CCDC81: variants seen among roughly 807,000 people sequenced by gnomAD.
CCDC81 encodes coiled-coil domain containing 81.
A neutral mutation model predicts 83.7 loss-of-function variants in CCDC81; 79 were observed. The ratio of observed to expected loss-of-function variants is 0.94; its 90% confidence interval spans 0.79 to 1.14. The LOEUF is 1.14. CCDC81 is among the 50% of genes most tolerant of loss of function. CCDC81 has a pLI of 0.00. For synonymous variants in CCDC81, 252 were observed against 278.1 expected (o/e 0.91, Z 0.93); for missense variants, 791 against 778.1 (o/e 1.02, Z -0.20).
At chr11:86,402,134 CAAAAAAAAA>C (rs540502448) in intron 7 of CCDC81, among the ~76,000 whole-genome samples, 2 of 89,192 alleles carry the variant, frequency 2.2e-5, no homozygotes, top group Non-Finnish European at 4.2e-5. Flanking sequence ...GACTCTGTCT[CAAAAAAAAA>C]AAAAAAAAAA....
At chr11:86,412,837 A>AGGCT (rs1227994027) in intron 11 of CCDC81, among the ~76,000 whole-genome samples, 20 of 152,290 alleles carry the variant, frequency 1.3e-4, no homozygotes, top group African/African-American at 4.8e-4. Flanking sequence ...GCCACACGGC[A>AGGCT]GTATCTAGGG....
At chr11:86,407,498 GT>G in intron 7 of CCDC81, 115 bp from the exon 8 acceptor site, 5 of 692,616 alleles carry the variant, frequency 7.2e-6, no homozygotes, top group Non-Finnish European at 1.3e-5. Flanking sequence ...ACATATAGCT[GT>G]TTTGAAGTAA....
chr11:86,421,253 G>T (rs1296479965), intron 14 of CCDC81, among the ~76,000 whole-genome samples: 1 of 152,148 alleles, frequency 6.6e-6, no homozygotes, highest in Non-Finnish European at 1.5e-5. Flanking sequence ...AGCCAGGTAG[G>T]TCTTCCCCTG....
chr11:86,393,929 C>T (rs951743995), intron 4 of CCDC81, among the ~76,000 whole-genome samples: 2 of 152,120 alleles, frequency 1.3e-5, no homozygotes, highest in Non-Finnish European at 2.9e-5. Flanking sequence ...CTATTAATAT[C>T]ATCTCAGTCT....
chr11:86,410,436 G>C (rs937593832), intron 10 of CCDC81, among the ~76,000 whole-genome samples: 2 of 152,028 alleles, frequency 1.3e-5, no homozygotes, highest in Non-Finnish European at 2.9e-5. Flanking sequence ...TCTGAAAAAA[G>C]GGCACTATAT....
chr11:86,389,595 G>A (rs1251400079), intron 3 of CCDC81, among the ~76,000 whole-genome samples: 2 of 152,058 alleles, frequency 1.3e-5, no homozygotes, highest in African/African-American at 2.4e-5. Context: ...TTTAAACCAT[G>A]AGATCTCATG....
chr11:86,414,310 ATT>A (rs1160936153), intron 11 of CCDC81: 23 of 144,582 alleles, frequency 1.6e-4, no homozygotes, highest in Non-Finnish European at 2.6e-4. Context: ...AGCGTATGGA[ATT>A]TTTTTTTTTT....
At chr11:86,398,664 C>A (rs556384036) in intron 6 of CCDC81, among the ~76,000 whole-genome samples, 1 of 152,094 alleles carries the variant, frequency 6.6e-6, no homozygotes, top group Non-Finnish European at 1.5e-5. Context: ...GATTCTCCTG[C>A]GTCCAAGCTA....
Position 86,375,124 on chromosome 11 carries a change from C to T in CCDC81, c.-40C>T, listed in dbSNP as rs768329396. 2.6e-6 allele frequency: 4 copies of T among 1,522,848 alleles called. No individual in the cohort carries two copies. The South Asian group carries it at 3.4e-5, about 13-fold the overall frequency. The allele number at this position is 1,522,848 out of a possible 1,614,324, so 94.3% of individuals were successfully genotyped here. A position where few individuals can be genotyped will look rare whatever the true frequency, so the allele number is the denominator to read the frequency against. On this transcript the variant is annotated 5_prime_UTR_variant, in exon 1 of 15. Coordinates refer to ENST00000445632, the MANE Select transcript of CCDC81 (RefSeq NM_001156474.2). ...CACATTCCATATAAGAAAGAAGAGA[C>T]CCATCGAACATTCAGTACGGAGTCA...
chr11:86,388,099 A>G (rs1226736065), intron 3 of CCDC81, among the ~76,000 whole-genome samples: 1 of 152,228 alleles, frequency 6.6e-6, no homozygotes, highest in Non-Finnish European at 1.5e-5. Context: ...ATTAAAATTT[A>G]AAAGTTAGAA....
At chr11:86,388,695 ACCTAGAATTTTTTTT>A (rs1264603861) in intron 3 of CCDC81, among the ~76,000 whole-genome samples, 1 of 152,170 alleles carries the variant, frequency 6.6e-6, no homozygotes, top group Non-Finnish European at 1.5e-5. Flanking sequence ...AGCTATTTTT[ACCTAGAATTTTTTTT>A]TCTTTTCTTT....
At chr11:86,394,834 G>A (rs61906694) in intron 4 of CCDC81, among the ~76,000 whole-genome samples, 18,071 of 152,220 alleles carry the variant, frequency 0.12, 1,318 homozygotes, top group East Asian at 0.19. Flanking sequence ...TACTTACATA[G>A]AGGACCTCAT....
chr11:86,422,164 A>G (rs1164544220), intron 14 of CCDC81, among the ~76,000 whole-genome samples: 1 of 152,168 alleles, frequency 6.6e-6, no homozygotes, highest in Non-Finnish European at 1.5e-5. Context: ...TTGTTAGCTG[A>G]TAACCAGCAA....
intron 1 of CCDC81, among the ~76,000 whole-genome samples, chr11:86,384,027 G>A (rs565548509): frequency 2.0e-5 from 3 of 152,258 alleles, no homozygotes; most frequent in African/African-American, 7.2e-5. Flanking sequence ...TTTCACTGGG[G>A]TTTGGTTGCA....
At chr11:86,384,196 G>C (rs1010198377) in intron 1 of CCDC81, among the ~76,000 whole-genome samples, 1 of 152,190 alleles carries the variant, frequency 6.6e-6, no homozygotes, top group African/African-American at 2.4e-5. Flanking sequence ...TCTGGATACT[G>C]AGATTTTGCA....
intron 10 of CCDC81, among the ~76,000 whole-genome samples, chr11:86,409,613 C>T (rs554705342): frequency 8.2e-4 from 124 of 152,068 alleles, no homozygotes; most frequent in South Asian, 2.1e-3. Flanking sequence ...CACCATGCCC[C>T]GCTATTTTTG....
intron 7 of CCDC81, 103 bp from the exon 8 acceptor site, chr11:86,407,511 C>A (rs1163662547): frequency 1.4e-6 from 1 of 728,946 alleles, no homozygotes. Flanking sequence ...TTGAAGTAAA[C>A]CACTGAAATA....
At chr11:86,396,518 T>C (rs1232943821) in intron 5 of CCDC81, among the ~76,000 whole-genome samples, 2 of 152,166 alleles carry the variant, frequency 1.3e-5, no homozygotes, top group South Asian at 2.1e-4. Flanking sequence ...ATGAGTAAAG[T>C]ATAAAAGTAT....
chr11:86,385,968 A>C, intron 1 of CCDC81, 83 bp from the exon 2 acceptor site: 1 of 638,634 alleles, frequency 1.6e-6, no homozygotes, highest in Non-Finnish European at 2.8e-6. Context: ...TTTCATATTT[A>C]CATTTTTATT....
Sources: allele counts gnomAD v4.1 joint callset (sites outside exome capture counted in the v4.1 genomes callset), GRCh38; gene constraint gnomAD v4.1.1; transcripts MANE v1.5; gene names NCBI Gene and HGNC (gene_info 2026-07-23, HGNC 2026-07-21).